Variants in PPP2R1B observed in about 807,000 individuals in gnomAD.
PPP2R1B encodes the protein serine/threonine-protein phosphatase 2A 65 kDa regulatory subunit A beta isoform.
In PPP2R1B, 58 loss-of-function variants were observed where a neutral mutation model predicts 72.7. The ratio of observed to expected loss-of-function variants is 0.80; its 90% CI spans 0.65 to 0.99. PPP2R1B has a LOEUF of 0.99. Ranked by LOEUF, PPP2R1B falls within the 50% of genes least tolerant of loss-of-function variation. The pLI is 0.00. For synonymous variants in PPP2R1B, 256 were observed against 264.6 expected, an observed-to-expected ratio of 0.97 and a Z score of 0.32; for missense variants, 695 against 733.6, an observed-to-expected ratio of 0.95 and a Z score of 0.61.
At chr11:111,727,089 G>C (rs747947146) in intron 15 of PPP2R1B, 1 of 1,590,126 alleles carries the variant, frequency 6.3e-7, no homozygotes, top group South Asian at 1.1e-5. Flanking sequence ...AGCCCGACAG[G>C]AAGAGGGGGC....
Position 111,761,047 on chromosome 11 carries a change from G to A in PPP2R1B, c.311C>T (p.Pro104Leu). 6.2e-7 allele frequency: 1 copy of A among 1,613,774 alleles called. No homozygotes were observed. The highest frequency in any genetic ancestry group is 8.5e-7 in the Non-Finnish European group (1 of 1,179,840). ...GPDFAHCLLPPLENLATVEET... is the reference protein window; with the variant it reads ...GPDFAHCLLPLLENLATVEET... ...TTCCACAGTTGCCAGATTTTCCAAA[G>A]GAGGCTGAATGGATTAAAAAGGAAA... Residue 104 changes from proline to leucine, a missense_variant, in exon 4 of 15, where the codon CCT (proline) becomes CTT (leucine). Transcript: ENST00000527614.
At chr11:111,731,516 A>G (rs1944192821) in intron 15 of PPP2R1B, among the ~76,000 whole-genome samples, 1 of 152,222 alleles carries the variant, frequency 6.6e-6, no homozygotes, top group African/African-American at 2.4e-5. Flanking sequence ...CCAGGCCCTG[A>G]GTGAAAGGCC....
chr11:111,754,470 A>G (rs782466015), intron 8 of PPP2R1B, 29 bp downstream of exon 8: 3 of 1,585,798 alleles, frequency 1.9e-6, no homozygotes, highest in African/African-American at 1.4e-5. Context: ...CATATAAAAG[A>G]GAGTGAAACA....
intron 3 of PPP2R1B, among the ~76,000 whole-genome samples, chr11:111,763,241 G>C (rs1344695259): frequency 6.6e-6 from 1 of 152,188 alleles, no homozygotes; most frequent in Non-Finnish European, 1.5e-5. Context: ...TAATGAGCTT[G>C]GTTAGTTCAA....
chr11:111,751,711 C>T (rs987760238), intron 10 of PPP2R1B, among the ~76,000 whole-genome samples: 3 of 152,250 alleles, frequency 2.0e-5, no homozygotes, highest in Non-Finnish European at 4.4e-5. Context: ...GATGCAGTGG[C>T]TCACGCCTGG....
At position 111,755,002 on chromosome 11, in the gene PPP2R1B, T is replaced by A. The variant is rs17852442; in HGVS notation, c.936A>T (p.Ala312=). ...LLKDCEAEVR[A]AAAHKVKELG... ...AACCTTTTACTTTGTGGGCAGCAGCTGCCCGGACTTCAGCTTCACAGTCTT... is the reference window on the plus strand; with the variant it reads ...AACCTTTTACTTTGTGGGCAGCAGCAGCCCGGACTTCAGCTTCACAGTCTT... The change falls in exon 7 of 15, where the codon GCA becomes GCT. Residue 312 remains alanine, a synonymous_variant. Coordinates refer to ENST00000527614, the MANE Select transcript of PPP2R1B (RefSeq NM_002716.5). 1.9e-6 allele frequency: 3 copies of A among 1,613,394 alleles called. No individual in the cohort carries two copies. Among genetic ancestry groups the A allele is most frequent in the Non-Finnish European group, 2.5e-6 (3 of 1,179,396 alleles).
At chr11:111,692,718 T>C in the PPP2R1B span, among the ~76,000 whole-genome samples, 1 of 152,150 alleles carries the variant, frequency 6.6e-6, no homozygotes, top group Admixed American at 6.5e-5. Context: ...AACTCTTAAA[T>C]CTTAATGGAA....
the PPP2R1B span, chr11:111,720,888 CTT>C: frequency 6.2e-7 from 1 of 1,612,524 alleles, no homozygotes; most frequent in South Asian, 1.1e-5. Context: ...GGTCTTGGTG[CTT>C]TCTTTCAGGA....
intron 3 of PPP2R1B, among the ~76,000 whole-genome samples, chr11:111,762,001 C>T (rs1555051580): frequency 6.6e-6 from 1 of 152,074 alleles, no homozygotes; most frequent in African/African-American, 2.4e-5. Context: ...GGACACCTTG[C>T]TTACAGCTTT....
At chr11:111,753,694 T>C (rs1591697866) in intron 8 of PPP2R1B, 117 bp from the exon 9 acceptor site, 2 of 1,064,938 alleles carry the variant, frequency 1.9e-6, no homozygotes, top group Non-Finnish European at 2.6e-6. Context: ...TGGCATGACC[T>C]TGGCTCACTG....
At chr11:111,761,647 A>C (rs1286389033) in intron 3 of PPP2R1B, among the ~76,000 whole-genome samples, 1 of 152,202 alleles carries the variant, frequency 6.6e-6, no homozygotes, top group Admixed American at 6.5e-5. Context: ...GGAGTTTCTG[A>C]CAGAACAATC....
rs372036267 is a variant in PPP2R1B at position 111,762,984 on chromosome 11, C to T, written c.306+1821G>A. 2.6e-5 allele frequency among the ~76,000 whole-genome samples: 4 copies of T among 152,328 alleles called. No individual in the cohort carries two copies. The South Asian group carries it at 6.2e-4, about 24-fold the overall frequency. Reference sequence around the variant, plus strand: ...AGGTTCCTCACTCTAGTGGCATTTACATTCTAATGGAGTAAGACAACAATC... The same window carrying T: ...AGGTTCCTCACTCTAGTGGCATTTATATTCTAATGGAGTAAGACAACAATC... On this transcript the variant is annotated intron_variant, in intron 3 of 14. Coordinates refer to ENST00000527614, the MANE Select transcript of PPP2R1B (RefSeq NM_002716.5).
chr11:111,742,417 T>C, intron 13 of PPP2R1B, 106 bp downstream of exon 13: 1 of 1,287,242 alleles, frequency 7.8e-7, no homozygotes, highest in Non-Finnish European at 1.1e-6. Flanking sequence ...AACCCAGATC[T>C]TAAGTAAAGT....
the PPP2R1B span, among the ~76,000 whole-genome samples, chr11:111,689,676 A>G: frequency 5.3e-5 from 8 of 152,220 alleles, no homozygotes; most frequent in Admixed American, 5.2e-4. Context: ...CATTGAACTT[A>G]GTAAGTTTAG....
chr11:111,721,831 A>G, the PPP2R1B span: 1 of 1,605,634 alleles, frequency 6.2e-7, no homozygotes, highest in Non-Finnish European at 8.5e-7. Context: ...GCTCCTCAGG[A>G]AGAAGTTTCT....
At chr11:111,746,621 A>C (rs1944713790) in intron 11 of PPP2R1B, among the ~76,000 whole-genome samples, 1 of 152,210 alleles carries the variant, frequency 6.6e-6, no homozygotes, top group Non-Finnish European at 1.5e-5. Context: ...TGTTCTATGC[A>C]TGTATCCTAG....
the PPP2R1B span, among the ~76,000 whole-genome samples, chr11:111,715,705 C>T: frequency 6.6e-6 from 1 of 151,596 alleles, no homozygotes; most frequent in Non-Finnish European, 1.5e-5. Flanking sequence ...GATGCATAAA[C>T]CTTGTAGAAT....
chr11:111,730,593 CTTTT>C (rs200758304), intron 15 of PPP2R1B: 2 of 150,854 alleles, frequency 1.3e-5, no homozygotes, highest in African/African-American at 4.9e-5. Context: ...TTTCTGTGTG[CTTTT>C]TTTTAATTAC....
chr11:111,695,667 C>G, the PPP2R1B span, among the ~76,000 whole-genome samples: 1 of 152,216 alleles, frequency 6.6e-6, no homozygotes, highest in Non-Finnish European at 1.5e-5. Flanking sequence ...GAGGCCCATC[C>G]CTAAATGTAC....
Sources: gnomAD v4.1 joint callset for allele counts (sites outside exome capture counted in the v4.1 genomes callset) on GRCh38, gnomAD v4.1.1 for gene constraint, MANE v1.5 for transcripts, NCBI Gene and HGNC (gene_info 2026-07-23, HGNC 2026-07-21) for gene names.